The following ATP1A2 variants were observed in gnomAD, a reference collection of about 807,000 sequenced individuals.
ATP1A2 encodes the protein ATPase Na+/K+ transporting subunit alpha 2.
In ATP1A2, 56 loss-of-function variants were observed where a neutral mutation model predicts 113.1. The observed-to-expected ratio is 0.49, with a 90% confidence interval of 0.40 to 0.62. The LOEUF is 0.62. Ranked by LOEUF, ATP1A2 falls within the 20% of genes least tolerant of loss-of-function variation. ATP1A2 has a pLI of 0.00. For missense variants in ATP1A2, 712 were observed against 1,357.8 expected (o/e 0.52, Z 7.47); for synonymous variants, 490 against 526.8 (o/e 0.93, Z 0.96).
At position 160,120,852 on chromosome 1, in the gene ATP1A2, G is replaced by A. The variant is rs190026739; in HGVS notation, c.13-54G>A. The A allele has an allele frequency of 7.5e-4, 1,149 of 1,524,810 alleles. 2 individuals carry two copies. The highest frequency in any genetic ancestry group is 3.7e-3 in the African/African-American group (270 of 72,332). The allele number at this position is 1,524,810 out of a possible 1,614,324, so 94.5% of individuals were successfully genotyped here. On this transcript the variant is annotated intron_variant, in intron 1 of 22. Coordinates refer to ENST00000361216, the MANE Select transcript of ATP1A2 (RefSeq NM_000702.4). The stretch of plus-strand genomic sequence containing the variant: ...GGCTCCCTGGCTGAGTGGTGGGAAT[G>A]GAGGCCCCAGCCCCTCTCTTCCCTG...
At chr1:160,136,773 C>T (rs1455922621) in intron 19 of ATP1A2, 58 bp downstream of exon 19, 2 of 1,613,974 alleles carry the variant, frequency 1.2e-6, no homozygotes, top group African/African-American at 1.3e-5. Flanking sequence ...AGCTGAATGC[C>T]TGGCAGGAGT....
chr1:160,136,970 C>T lies in ATP1A2; in HGVS notation c.2779C>T (p.Gln927Ter). The change falls in exon 20 of 23, where the codon CAG becomes TAG. Residue 927 changes from glutamine (Q) to a stop codon, truncating the protein, a stop_gained. Coordinates refer to ENST00000361216, the MANE Select transcript of ATP1A2 (RefSeq NM_000702.4). LOFTEE classifies it high-confidence loss of function. ...TAFFASIVVV[Q>*]WADLIICKTR... ...ATTCTTTGCCAGCATCGTGGTGGTG[C>T]AGTGGGCTGACCTCATCATCTGCAA... is the stretch of plus-strand genomic sequence containing the variant. 1 of 1,614,146 alleles carries T rather than the reference C, an allele frequency of 6.2e-7. No homozygotes were observed. The highest frequency in any genetic ancestry group is 8.5e-7 in the Non-Finnish European group (1 of 1,180,038).
rs568560600 is a variant in ATP1A2, at chr1:160,139,829, C to T, written c.2943-64C>T. 36 of 1,610,326 alleles carry T rather than the reference C, an allele frequency of 2.2e-5. No individual in the cohort carries two copies. In the African/African-American group the frequency reaches 4.4e-4, roughly 20 times the overall value. ...CCAAGTTCTGATCGCTTTGAATGCT[C>T]CTTTATGTGACAGCCACCAAGCCAA... On this transcript the variant is annotated intron_variant, in intron 21 of 22. Coordinates refer to ENST00000361216, the MANE Select transcript of ATP1A2 (RefSeq NM_000702.4).
At chr1:160,120,880 T>C (rs1159276063) in intron 1 of ATP1A2, 26 bp from the exon 2 acceptor site, 1 of 1,485,366 alleles carries the variant, frequency 6.7e-7, no homozygotes, top group Non-Finnish European at 9.0e-7. Context: ...CTTCCCTGAC[T>C]CTCTGGCTCT....
intron 1 of ATP1A2, 52 bp downstream of exon 1, chr1:160,115,925 C>T: frequency 6.3e-7 from 1 of 1,587,492 alleles, no homozygotes; most frequent in Non-Finnish European, 8.6e-7. Flanking sequence ...AGGGAGGCTG[C>T]TGAGGAAGGA....
rs1558011902 is a variant in ATP1A2 at position 160,143,324 on chromosome 1, T to TA, written c.*2007dup. 1 of 152,496 alleles carries TA rather than the reference T, an allele frequency of 6.6e-6. No individual in the cohort carries two copies. 9.4% of individuals were successfully genotyped at this position (152,496 alleles called of 1,614,324 possible). The stretch of plus-strand genomic sequence containing the variant: ...CAAAAGTTTATCTTTGCACAATCAA[T>TA]AAAAATGGCATTTTTTTAGTAAATT... On this transcript the variant is annotated 3_prime_UTR_variant, in exon 23 of 23. Transcript: ENST00000361216.
chr1:160,139,526 G>A (rs1043716779), intron 20 of ATP1A2, 114 bp from the exon 21 acceptor site: 6 of 891,146 alleles, frequency 6.7e-6, no homozygotes, highest in Middle Eastern at 4.3e-4. Flanking sequence ...AAGAAGACAT[G>A]CGACTATGTC....
At chr1:160,134,981 AG>A (rs1651888752) in intron 14 of ATP1A2, among the ~76,000 whole-genome samples, 163 bp from the exon 15 acceptor site, 1 of 152,188 alleles carries the variant, frequency 6.6e-6, no homozygotes, top group South Asian at 2.1e-4. Flanking sequence ...ACATTCTCAA[AG>A]AGAAATGGGG....
chr1:160,128,422 T>C, intron 8 of ATP1A2: 1 of 1,301,254 alleles, frequency 7.7e-7, no homozygotes, highest in East Asian at 2.6e-5. Context: ...TGGCCCTCTC[T>C]GGAGCTCTAG....
chr1:160,136,414 C>T (rs369264689), intron 18 of ATP1A2, 44 bp downstream of exon 18: 100 of 1,612,868 alleles, frequency 6.2e-5, no homozygotes, highest in Non-Finnish European at 8.3e-5. Flanking sequence ...CAACAGGGTT[C>T]TTTTCCCAGC....
chr1:160,123,505 G>T (rs1431007999), intron 4 of ATP1A2, 89 bp downstream of exon 4: 2 of 1,531,922 alleles, frequency 1.3e-6, no homozygotes, highest in Admixed American at 1.7e-5. Flanking sequence ...AGGGAACAAG[G>T]CCCTCACATA....
intron 11 of ATP1A2, 53 bp from the exon 12 acceptor site, chr1:160,130,049 C>A: frequency 1.9e-6 from 3 of 1,608,966 alleles, no homozygotes; most frequent in Non-Finnish European, 2.6e-6. Context: ...TGCTCTATGC[C>A]GCGCTACCAA....
Position 160,135,077 on chromosome 1 carries a change from G to A in ATP1A2, c.1965-68G>A. 6.2e-7 allele frequency: 1 copy of A among 1,605,872 alleles called. No individual in the cohort carries two copies. Among genetic ancestry groups the A allele is most frequent in the African/African-American group, 1.3e-5 (1 of 74,872 alleles). ...CCTGCAGGCTGCGGTGGTGAAGAGA[G>A]GCAGGGGGCAGGAGGGGCTGGTACA... On this transcript the variant is annotated intron_variant, in intron 14 of 22. Coordinates refer to ENST00000361216, the MANE Select transcript of ATP1A2 (RefSeq NM_000702.4). This position sits in a 1 kb window ranked among gnomAD's most constrained non-coding sequence, Gnocchi z 6.3.
Position 160,124,070 on chromosome 1 carries a change from G to A in ATP1A2, c.495+14G>A. The A allele has an allele frequency of 6.2e-7, 1 of 1,613,430 alleles. No individual in the cohort carries two copies. The highest frequency in any genetic ancestry group is 8.5e-7 in the Non-Finnish European group (1 of 1,179,360). ...ATGGTACCTCAGGTAAGATGGCAGGGCTGGGCTCTGGGCTAGGCTGTAAGG... is the reference window on the plus strand; with the variant it reads ...ATGGTACCTCAGGTAAGATGGCAGGACTGGGCTCTGGGCTAGGCTGTAAGG... On this transcript the variant is annotated intron_variant, in intron 5 of 22. Transcript: ENST00000361216.
intron 7 of ATP1A2, among the ~76,000 whole-genome samples, chr1:160,126,417 T>A (rs1266551835): frequency 1.3e-5 from 2 of 152,210 alleles, no homozygotes; most frequent in Non-Finnish European, 2.9e-5. Flanking sequence ...TCTGTGAATA[T>A]GGAGGGCCAA....
chr1:160,134,233 ACC>A (rs1419465239), intron 13 of ATP1A2, among the ~76,000 whole-genome samples: 2 of 43,156 alleles, frequency 4.6e-5, no homozygotes, highest in Non-Finnish European at 1.1e-4. Flanking sequence ...CACAATCCCC[ACC>A]CACACACACA....
At position 160,134,552 on chromosome 1, in the gene ATP1A2, A is replaced by C. The variant is rs1466075175; in HGVS notation, c.1896A>C (p.Ser632=). 6.2e-7 allele frequency: 1 copy of C among 1,614,084 alleles called. No homozygotes were observed. Among genetic ancestry groups the C allele is most frequent in the Non-Finnish European group, 8.5e-7 (1 of 1,180,044 alleles). The change falls in exon 14 of 23, where the codon TCA becomes TCC. Residue 632 remains serine (S), a synonymous_variant. Transcript: ENST00000361216. ...TTGCCAAAGGCGTGGGCATCATATC[A>C]GAGGGTAACGAGACTGTGGAGGACA... ...KAIAKGVGII[S]EGNETVEDIA...
intron 1 of ATP1A2, among the ~76,000 whole-genome samples, chr1:160,117,664 T>A (rs1262507154): frequency 6.6e-6 from 1 of 152,122 alleles, no homozygotes; most frequent in Non-Finnish European, 1.5e-5. Context: ...GGATGATTTT[T>A]CCTCCAATCC....
intron 13 of ATP1A2, among the ~76,000 whole-genome samples, 180 bp from the exon 14 acceptor site, chr1:160,134,304 C>T (rs1447577138): frequency 1.3e-5 from 2 of 151,682 alleles, no homozygotes; most frequent in African/African-American, 2.4e-5. Flanking sequence ...CACACACACA[C>T]ATACACCCCA....
Sources: allele counts gnomAD v4.1 joint callset (sites outside exome capture counted in the v4.1 genomes callset), GRCh38; gene constraint gnomAD v4.1.1; non-coding constraint Gnocchi (gnomAD v3.1); transcripts MANE v1.5; gene names NCBI Gene and HGNC (gene_info 2026-07-23, HGNC 2026-07-21).